Variants in ESR1 observed in about 807,000 individuals in gnomAD.
The protein encoded by ESR1 is estrogen receptor 1, also known as estrogen receptor.
A neutral mutation model predicts 52.7 loss-of-function variants in ESR1; 12 were observed. The ratio of observed to expected loss-of-function variants is 0.23; its 90% confidence interval spans 0.15 to 0.37. The LOEUF (loss-of-function observed/expected upper bound fraction) is 0.37, where lower values mean the gene tolerates loss of function less well. Ranked by LOEUF, ESR1 falls within the 10% of genes least tolerant of loss-of-function variation. The pLI, the probability that ESR1 is intolerant of heterozygous loss-of-function variation, is 1.00. For missense variants in ESR1, 584 were observed against 779.7 expected, an observed-to-expected ratio of 0.75 and a Z score of 2.99; for synonymous variants, 305 against 316.8, an observed-to-expected ratio of 0.96 and a Z score of 0.39.
chr6:151,733,948 A>T (rs181178747), intron 2 of ESR1, among the ~76,000 whole-genome samples: 1 of 152,146 alleles, frequency 6.6e-6, no homozygotes, highest in East Asian at 1.9e-4. Flanking sequence ...TTCCTTTACA[A>T]ATTTGGTTGA....
intron 6 of ESR1, among the ~76,000 whole-genome samples, chr6:152,076,581 GA>G (rs2048752220): frequency 6.6e-6 from 1 of 152,172 alleles, no homozygotes; most frequent in Non-Finnish European, 1.5e-5. Context: ...GAAAATGTGG[GA>G]AAGTTTGAAA....
At chr6:152,063,785 A>C (rs2047741406) in intron 6 of ESR1, among the ~76,000 whole-genome samples, 1 of 152,134 alleles carries the variant, frequency 6.6e-6, no homozygotes, top group African/African-American at 2.4e-5. Context: ...CCTGAGCTAG[A>C]AGATGCCTTT....
At chr6:152,019,891 A>T (rs2043483210) in intron 5 of ESR1, among the ~76,000 whole-genome samples, 1 of 152,172 alleles carries the variant, frequency 6.6e-6, no homozygotes, top group South Asian at 2.1e-4. Context: ...ACCCAGCTCA[A>T]CAGGTATTTA....
chr6:151,843,284 A>G (rs1243085519), intron 2 of ESR1, among the ~76,000 whole-genome samples: 9 of 152,108 alleles, frequency 5.9e-5, no homozygotes, highest in Admixed American at 5.9e-4. Context: ...TTCTTGTCTC[A>G]ATGGATGACA....
intron 6 of ESR1, among the ~76,000 whole-genome samples, chr6:152,092,061 G>T (rs2050228475): frequency 6.6e-6 from 1 of 152,116 alleles, no homozygotes; most frequent in Non-Finnish European, 1.5e-5. Context: ...AAGAGCTGAG[G>T]CCCTCCTAGC....
chr6:152,040,212 C>A (rs1480752950), intron 5 of ESR1, among the ~76,000 whole-genome samples: 1 of 152,158 alleles, frequency 6.6e-6, no homozygotes, highest in Non-Finnish European at 1.5e-5. Context: ...GCCAGGTCAG[C>A]CTTGGTACGT....
At chr6:151,987,214 C>T (rs1163863848) in intron 4 of ESR1, among the ~76,000 whole-genome samples, 1 of 152,050 alleles carries the variant, frequency 6.6e-6, no homozygotes, top group East Asian at 1.9e-4. Flanking sequence ...ACTGCACCCA[C>T]CCAGCAATCA....
intron 2 of ESR1, among the ~76,000 whole-genome samples, chr6:151,853,169 C>CAAAAAAAAAAAA (rs386408969): frequency 2.3e-4 from 10 of 42,884 alleles, no homozygotes; most frequent in East Asian, 9.3e-4. Flanking sequence ...AGACTCGTCT[C>CAAAAAAAAAAAA]AAAAAAAAAA....
At chr6:151,674,957 AT>A (rs1454365263) in intron 1 of ESR1, among the ~76,000 whole-genome samples, 1 of 152,154 alleles carries the variant, frequency 6.6e-6, no homozygotes, top group Non-Finnish European at 1.5e-5. Context: ...GTAGACATGT[AT>A]TTTCAGACCT....
At chr6:151,852,955 T>C (rs1050765477) in intron 2 of ESR1, among the ~76,000 whole-genome samples, 2 of 151,604 alleles carry the variant, frequency 1.3e-5, no homozygotes, top group African/African-American at 4.8e-5. Context: ...AGGCAGATCA[T>C]GAGGTCAAGA....
intron 4 of ESR1, among the ~76,000 whole-genome samples, chr6:151,965,222 C>A (rs2038142410): frequency 6.6e-6 from 1 of 152,104 alleles, no homozygotes; most frequent in Non-Finnish European, 1.5e-5. Context: ...ACTGTCTTTC[C>A]AAACCATAGT....
chr6:151,779,351 T>A (rs1786309343), intron 2 of ESR1, among the ~76,000 whole-genome samples: 1 of 152,144 alleles, frequency 6.6e-6, no homozygotes, highest in Non-Finnish European at 1.5e-5. Flanking sequence ...AAACGGGGAA[T>A]CCTTTCCCCA....
Position 151,751,502 on chromosome 6 carries a change from G to A in ESR1, c.-71+49497G>A, listed in dbSNP as rs577697070. Among the ~76,000 whole-genome samples, 11 of 152,234 alleles carry A rather than the reference G, an allele frequency of 7.2e-5. No homozygotes were observed. The South Asian group carries it at 2.3e-3, about 32-fold the overall frequency. ...TGAATGACAGCAATGGTGCTCCGAT[G>A]GCAGTTTTGTCAGACTTTGAATGGT... On this transcript the variant is annotated intron_variant, in intron 2 of 2. Coordinates refer to the ESR1 transcript ENST00000404742.
chr6:152,068,687 A>T (rs2048157639), intron 6 of ESR1, among the ~76,000 whole-genome samples: 1 of 152,264 alleles, frequency 6.6e-6, no homozygotes, highest in Non-Finnish European at 1.5e-5. Flanking sequence ...TTAAAGACCT[A>T]TGAGAATCCA....
intron 2 of ESR1, among the ~76,000 whole-genome samples, chr6:151,769,363 A>G (rs753864632): frequency 6.6e-6 from 1 of 152,216 alleles, no homozygotes; most frequent in Non-Finnish European, 1.5e-5. Flanking sequence ...TATACCAGTT[A>G]GAAGTGATGA....
chr6:151,741,630 T>C (rs1352839801), intron 2 of ESR1, among the ~76,000 whole-genome samples: 2 of 152,214 alleles, frequency 1.3e-5, no homozygotes, highest in Non-Finnish European at 2.9e-5. Context: ...ATGTTTAAGA[T>C]GTACAACTTG....
Position 152,094,838 on chromosome 6 carries a change from T to C in ESR1, c.1553+270T>C, listed in dbSNP as rs2050485207. Among the ~76,000 whole-genome samples the C allele has an allele frequency of 1.3e-5, 2 of 152,126 alleles. No individual in the cohort carries two copies. Among genetic ancestry groups the C allele is most frequent in the Non-Finnish European group, 2.9e-5 (2 of 68,018 alleles). ...GTGCTTTGGGGCAGTGGTTTAGAGA[T>C]TGGGTGCAGTGTGCAAATAGGAGGA... On this transcript the variant is annotated intron_variant, in intron 7 of 7. Transcript: ENST00000206249. This position sits in a 1 kb window ranked among gnomAD's most constrained non-coding sequence, Gnocchi z 4.6.
At chr6:151,782,488 T>C (rs1686200027) in intron 2 of ESR1, among the ~76,000 whole-genome samples, 1 of 152,236 alleles carries the variant, frequency 6.6e-6, no homozygotes. Context: ...CGGTAAATGA[T>C]GCTTCAATGG....
intron 2 of ESR1, among the ~76,000 whole-genome samples, chr6:151,790,583 C>CTT (rs536260263): frequency 1.9e-4 from 27 of 143,802 alleles, no homozygotes; most frequent in African/African-American, 4.8e-4. Flanking sequence ...CTTCTTGCTG[C>CTT]TTTTTTTTTT....
Sources: gnomAD v4.1 joint callset for allele counts (sites outside exome capture counted in the v4.1 genomes callset) on GRCh38, gnomAD v4.1.1 for gene constraint, Gnocchi (gnomAD v3.1) non-coding constraint, MANE v1.5 for transcripts, NCBI Gene and HGNC (gene_info 2026-07-23, HGNC 2026-07-21) for gene names.